UBE2E2: variants seen among roughly 807,000 people sequenced by gnomAD.
UBE2E2 encodes the protein ubiquitin-conjugating enzyme E2 E2.
A neutral mutation model predicts 24.7 loss-of-function variants in UBE2E2; 6 were observed. The observed-to-expected ratio is 0.24, with a 90% CI of 0.13 to 0.48. UBE2E2 has a LOEUF of 0.48. Among genes scored for constraint, UBE2E2 ranks in the 20% least tolerant of loss-of-function variants. UBE2E2 has a pLI of 0.99. For synonymous variants in UBE2E2, 104 were observed against 83.6 expected, an observed-to-expected ratio of 1.24 and a Z score of -1.33; for missense variants, 169 against 245.0, an observed-to-expected ratio of 0.69 and a Z score of 2.07.
At chr3:23,299,445 A>C (rs1188616696) in intron 3 of UBE2E2, among the ~76,000 whole-genome samples, 1 of 151,108 alleles carries the variant, frequency 6.6e-6, no homozygotes, top group Non-Finnish European at 1.5e-5. Context: ...CCCTCTACAC[A>C]CTGCTTTGAA....
intron 3 of UBE2E2, among the ~76,000 whole-genome samples, chr3:23,319,055 A>G (rs1694669203): frequency 6.6e-6 from 1 of 152,190 alleles, no homozygotes; most frequent in Non-Finnish European, 1.5e-5. Context: ...ATTGAGAGAA[A>G]CTGAGAGTCT....
In UBE2E2 at chr3:23,299,031, C is replaced by T. The variant is rs535880740; in HGVS notation, c.227+81719C>T. Among the ~76,000 whole-genome samples, 24 of 152,304 alleles carry T rather than the reference C, an allele frequency of 1.6e-4. No individual in the cohort carries two copies. In the South Asian group the frequency reaches 2.7e-3, roughly 17 times the overall value. ...TTTAGTCTTGGGAGGATGTATATGT[C>T]AGGGAATTAATCCATTTCTTCCAGA... On this transcript the variant is annotated intron_variant, in intron 3 of 5. Coordinates refer to ENST00000396703, the MANE Select transcript of UBE2E2 (RefSeq NM_152653.4).
chr3:23,379,019 A>G (rs1419971836), intron 3 of UBE2E2, among the ~76,000 whole-genome samples: 1 of 152,186 alleles, frequency 6.6e-6, no homozygotes, highest in African/African-American at 2.4e-5. Flanking sequence ...CAGTGACTGA[A>G]GTATTTTCTT....
intron 5 of UBE2E2, among the ~76,000 whole-genome samples, chr3:23,539,712 C>G (rs1695345715): frequency 6.6e-6 from 1 of 152,092 alleles, no homozygotes. Flanking sequence ...CAGAGTTGTT[C>G]ACGCATCCAT....
intron 5 of UBE2E2, among the ~76,000 whole-genome samples, chr3:23,588,158 T>G (rs1045114959): frequency 6.6e-6 from 1 of 152,212 alleles, no homozygotes; most frequent in African/African-American, 2.4e-5. Context: ...GCCACAGACG[T>G]AGTTCCATAT....
chr3:23,391,864 C>G (rs528067051), intron 3 of UBE2E2, among the ~76,000 whole-genome samples: 2 of 151,926 alleles, frequency 1.3e-5, no homozygotes, highest in African/African-American at 4.8e-5. Flanking sequence ...ATAAATAGAA[C>G]GAAAGGGTGA....
In UBE2E2 at chr3:23,590,040, A is replaced by G. The variant is rs1696725800; in HGVS notation, c.*209A>G. 6.2e-6 allele frequency: 3 copies of G among 485,590 alleles called. No homozygotes were observed. The highest frequency in any genetic ancestry group is 1.1e-5 in the Non-Finnish European group (3 of 272,776). The allele number at this position is 485,590 out of a possible 1,614,324, so 30.1% of individuals were successfully genotyped here. On this transcript the variant is annotated 3_prime_UTR_variant, in exon 6 of 6. Coordinates refer to ENST00000396703, the MANE Select transcript of UBE2E2 (RefSeq NM_152653.4). ...CACGCTCTCTTTTATCTCTCATTTT[A>G]TTCCCTTGTTGATTTCTGTTAACTT... is the stretch of plus-strand genomic sequence containing the variant.
At chr3:23,301,195 T>C (rs1207832503) in intron 3 of UBE2E2, among the ~76,000 whole-genome samples, 1 of 152,212 alleles carries the variant, frequency 6.6e-6, no homozygotes, top group African/African-American at 2.4e-5. Context: ...CTAATTTTTT[T>C]TCAAAGCTTT....
intron 4 of UBE2E2, among the ~76,000 whole-genome samples, chr3:23,511,666 AG>A (rs1694596726): frequency 6.6e-6 from 1 of 152,240 alleles, no homozygotes; most frequent in Non-Finnish European, 1.5e-5. Context: ...CCAAAAGAAA[AG>A]AATGATGACT....
intron 3 of UBE2E2, among the ~76,000 whole-genome samples, chr3:23,470,248 CT>C (rs1699006605): frequency 6.6e-6 from 1 of 152,160 alleles, no homozygotes; most frequent in Non-Finnish European, 1.5e-5. Context: ...GAGTATGGCA[CT>C]TCCCTCCTTG....
chr3:23,367,518 C>G (rs1245502022), intron 3 of UBE2E2, among the ~76,000 whole-genome samples: 4 of 152,182 alleles, frequency 2.6e-5, no homozygotes, highest in Non-Finnish European at 2.9e-5. Flanking sequence ...GATGACTGAT[C>G]ACGCAGAGGG....
chr3:23,263,094 G>C (rs554153179), intron 3 of UBE2E2, among the ~76,000 whole-genome samples: 1 of 152,254 alleles, frequency 6.6e-6, no homozygotes, highest in African/African-American at 2.4e-5. Context: ...AGGTGGAAAA[G>C]GTGTGTTCTT....
At chr3:23,429,917 G>T (rs1232045084) in intron 3 of UBE2E2, among the ~76,000 whole-genome samples, 1 of 152,194 alleles carries the variant, frequency 6.6e-6, no homozygotes, top group Non-Finnish European at 1.5e-5. Flanking sequence ...GTCTCGGCCT[G>T]TTGCCCAGGC....
chr3:23,493,220 G>A (rs1455241599), intron 3 of UBE2E2, among the ~76,000 whole-genome samples: 1 of 152,142 alleles, frequency 6.6e-6, no homozygotes, highest in Non-Finnish European at 1.5e-5. Flanking sequence ...TCACAGGTGT[G>A]GCACAGCAGA....
At chr3:23,212,198 T>A (rs1291706060) in intron 2 of UBE2E2, among the ~76,000 whole-genome samples, 2 of 152,218 alleles carry the variant, frequency 1.3e-5, no homozygotes, top group African/African-American at 4.8e-5. Flanking sequence ...AAGTGGGTAT[T>A]TAAACAGCAG....
chr3:23,587,715 A>G (rs1315081167), intron 5 of UBE2E2, among the ~76,000 whole-genome samples: 1 of 152,268 alleles, frequency 6.6e-6, no homozygotes, highest in African/African-American at 2.4e-5. Flanking sequence ...TTAAAAAAGT[A>G]TCCTGGCCAA....
chr3:23,591,147 G>A lies in UBE2E2; in HGVS notation c.*1316G>A. The A allele has an allele frequency of 6.6e-6, 1 of 152,174 alleles. No homozygotes were observed. Among genetic ancestry groups the A allele is most frequent in the Non-Finnish European group, 1.5e-5 (1 of 68,042 alleles). 9.4% of individuals were successfully genotyped at this position (152,174 alleles called of 1,614,324 possible). A position where few individuals can be genotyped will look rare whatever the true frequency, so the allele number is the denominator to read the frequency against. On this transcript the variant is annotated 3_prime_UTR_variant, in exon 6 of 6. Transcript: ENST00000396703. ...AGGAGGCAGAGGAAACGTGGGTGGTGTAGTTTCTAAAACACGCTGACTTGC... is the reference window on the plus strand; with the variant it reads ...AGGAGGCAGAGGAAACGTGGGTGGTATAGTTTCTAAAACACGCTGACTTGC...
intron 3 of UBE2E2, among the ~76,000 whole-genome samples, chr3:23,425,356 G>T (rs113181826): frequency 6.6e-6 from 1 of 152,020 alleles, no homozygotes; most frequent in Non-Finnish European, 1.5e-5. Flanking sequence ...TCTTTTAAAG[G>T]GGGAAGCTCA....
chr3:23,438,568 C>T (rs909666868), intron 3 of UBE2E2, among the ~76,000 whole-genome samples: 4 of 152,052 alleles, frequency 2.6e-5, no homozygotes, highest in Admixed American at 2.0e-4. Context: ...ATTAGTTGGT[C>T]CTAAGTAAGT....
Sources: allele counts gnomAD v4.1 joint callset (sites outside exome capture counted in the v4.1 genomes callset), GRCh38; gene constraint gnomAD v4.1.1; transcripts MANE v1.5; gene names NCBI Gene and HGNC (gene_info 2026-07-23, HGNC 2026-07-21).